RBMS3: variants seen among roughly 807,000 people sequenced by gnomAD.
RBMS3 encodes RNA-binding motif, single-stranded-interacting protein 3.
Under a neutral mutation model 66.8 loss-of-function variants are expected in RBMS3, and 27 were observed. The ratio of observed to expected loss-of-function variants is 0.40; its 90% CI spans 0.30 to 0.56. The LOEUF (loss-of-function observed/expected upper bound fraction) is 0.56. Ranked by LOEUF, RBMS3 falls within the 20% of genes least tolerant of loss-of-function variation. RBMS3 has a pLI of 0.40. For missense variants in RBMS3, 513 were observed against 549.5 expected (o/e 0.93, Z 0.66); for synonymous variants, 188 against 183.0 (o/e 1.03, Z -0.22).
intron 12 of RBMS3, among the ~76,000 whole-genome samples, chr3:29,948,180 T>C (rs1042029559): frequency 6.6e-6 from 1 of 151,688 alleles, no homozygotes; most frequent in African/African-American, 2.4e-5. Flanking sequence ...CAATAAGAAA[T>C]TTTTAAATGT....
At chr3:29,964,600 C>T (rs1280224642) in intron 12 of RBMS3, among the ~76,000 whole-genome samples, 1 of 152,134 alleles carries the variant, frequency 6.6e-6, no homozygotes, top group African/African-American at 2.4e-5. Flanking sequence ...TTTCTTCTTT[C>T]CTTCATGAAA....
chr3:29,472,505 G>A (rs958735435), intron 2 of RBMS3, among the ~76,000 whole-genome samples: 2 of 152,120 alleles, frequency 1.3e-5, no homozygotes, highest in South Asian at 2.1e-4. Flanking sequence ...CACTGACTTC[G>A]AATGAAGCCG....
chr3:29,880,835 TCATTCC>T, intron 7 of RBMS3: 1 of 1,533,752 alleles, frequency 6.5e-7, no homozygotes, highest in Non-Finnish European at 8.7e-7. Context: ...AATCTTGTAT[TCATTCC>T]CGACCCTTTT....
chr3:29,607,341 G>T (rs1408847498), intron 4 of RBMS3, among the ~76,000 whole-genome samples: 1 of 151,950 alleles, frequency 6.6e-6, no homozygotes, highest in Non-Finnish European at 1.5e-5. Context: ...GGAAGTCCAA[G>T]ATCAAGGTGC....
At chr3:29,592,179 T>C (rs1429295104) in intron 4 of RBMS3, among the ~76,000 whole-genome samples, 2 of 148,112 alleles carry the variant, frequency 1.4e-5, no homozygotes, top group African/African-American at 5.1e-5. Flanking sequence ...GAAAATATTT[T>C]AAATTCAAAC....
intron 8 of RBMS3, among the ~76,000 whole-genome samples, chr3:29,892,724 T>C (rs1177528146): frequency 6.6e-6 from 1 of 151,468 alleles, no homozygotes; most frequent in East Asian, 1.9e-4. Flanking sequence ...ACAAAAAACA[T>C]AAATTCATAT....
chr3:29,623,234 A>G (rs1485354590), intron 4 of RBMS3, among the ~76,000 whole-genome samples: 1 of 151,616 alleles, frequency 6.6e-6, no homozygotes, highest in Non-Finnish European at 1.5e-5. Flanking sequence ...TAAGATGGCT[A>G]TAATGTAATT....
chr3:29,789,602 T>G (rs111395772), intron 6 of RBMS3, among the ~76,000 whole-genome samples: 7,822 of 152,212 alleles, frequency 0.051, 225 homozygotes, highest in Middle Eastern at 0.075. Flanking sequence ...GTGTTATTAA[T>G]GTACATCTTT....
intron 4 of RBMS3, among the ~76,000 whole-genome samples, chr3:29,659,411 A>G (rs1458176167): frequency 1.3e-5 from 2 of 152,116 alleles, no homozygotes; most frequent in African/African-American, 4.8e-5. Context: ...AGTCACTGGC[A>G]ACAGCCATTC....
intron 12 of RBMS3, among the ~76,000 whole-genome samples, chr3:29,963,977 A>G (rs541238181): frequency 6.6e-6 from 1 of 152,290 alleles, no homozygotes; most frequent in East Asian, 1.9e-4. Context: ...TCATATTTCA[A>G]ATTTGTTTGC....
At chr3:29,339,474 G>A (rs958607961) in intron 1 of RBMS3, among the ~76,000 whole-genome samples, 2 of 152,114 alleles carry the variant, frequency 1.3e-5, no homozygotes, top group East Asian at 3.9e-4. Flanking sequence ...AGTACTATTT[G>A]CAGTCATTAA....
intron 3 of RBMS3, 129 bp from the exon 4 acceptor site, chr3:29,586,985 C>T (rs2047540069): frequency 1.5e-5 from 9 of 615,266 alleles, no homozygotes; most frequent in Middle Eastern, 5.2e-4. Flanking sequence ...ATCTAAGAGC[C>T]TAATGTTCAA....
At chr3:29,503,540 C>G (rs1391370179) in intron 3 of RBMS3, among the ~76,000 whole-genome samples, 1 of 151,996 alleles carries the variant, frequency 6.6e-6, no homozygotes, top group African/African-American at 2.4e-5. Flanking sequence ...TGGTCTTTCT[C>G]TGGCCTGACA....
intron 1 of RBMS3, among the ~76,000 whole-genome samples, chr3:29,344,438 A>G (rs1337933589): frequency 6.6e-6 from 1 of 152,134 alleles, no homozygotes; most frequent in African/African-American, 2.4e-5. Flanking sequence ...GCAAATTGAA[A>G]TTGTCCTTGG....
intron 4 of RBMS3, among the ~76,000 whole-genome samples, chr3:29,642,018 G>A (rs1332108695): frequency 2.0e-5 from 3 of 152,106 alleles, no homozygotes; most frequent in African/African-American, 7.2e-5. Flanking sequence ...GGCATTTTAT[G>A]AAGAGATACA....
intron 2 of RBMS3, among the ~76,000 whole-genome samples, chr3:29,482,865 G>C (rs1007637821): frequency 6.6e-6 from 1 of 151,000 alleles, no homozygotes; most frequent in Non-Finnish European, 1.5e-5. Flanking sequence ...GCACCACCAC[G>C]CCCGGCTATT....
At chr3:29,409,041 G>A (rs149763392) in intron 1 of RBMS3, among the ~76,000 whole-genome samples, 20 of 152,272 alleles carry the variant, frequency 1.3e-4, no homozygotes, top group Middle Eastern at 3.4e-3. Flanking sequence ...CAACTTGCTC[G>A]TAATATAGAT....
intron 6 of RBMS3, chr3:29,766,065 G>T (rs2055914317): frequency 6.6e-6 from 1 of 151,960 alleles, no homozygotes; most frequent in Admixed American, 6.6e-5. Flanking sequence ...GATTTGGGTG[G>T]GGACACAGCC....
At chr3:29,596,508 T>C (rs1426187965) in intron 4 of RBMS3, among the ~76,000 whole-genome samples, 1 of 152,226 alleles carries the variant, frequency 6.6e-6, no homozygotes, top group Admixed American at 6.6e-5. Context: ...TTTATAATTA[T>C]TATCTCATTT....
Sources: allele counts gnomAD v4.1 joint callset (sites outside exome capture counted in the v4.1 genomes callset), GRCh38; gene constraint gnomAD v4.1.1; transcripts MANE v1.5; gene names NCBI Gene and HGNC (gene_info 2026-07-23, HGNC 2026-07-21).